Variants in SLC39A14 observed in about 807,000 individuals in gnomAD.
The protein encoded by SLC39A14 is solute carrier family 39 member 14.
SLC39A14 carries 19 observed loss-of-function variants against 45.5 expected under a neutral mutation model. That is an observed-to-expected ratio of 0.42 (90% CI 0.29 to 0.61). SLC39A14 has a LOEUF of 0.61. Among genes scored for constraint, SLC39A14 ranks in the 20% least tolerant of loss-of-function variants. The pLI, the probability that SLC39A14 is intolerant of heterozygous loss-of-function variation, is 0.22. For synonymous variants in SLC39A14, 264 were observed against 251.3 expected (o/e 1.05, Z -0.48); for missense variants, 447 against 616.5 (o/e 0.73, Z 2.91).
intron 8 of SLC39A14, among the ~76,000 whole-genome samples, chr8:22,432,450 C>T (rs191239733): frequency 1.3e-5 from 2 of 151,640 alleles, no homozygotes; most frequent in African/African-American, 4.8e-5. Flanking sequence ...CTTCTCCCTC[C>T]TTCCTTTTTC....
chr8:22,386,359 C>T (rs1016618118), intron 1 of SLC39A14, among the ~76,000 whole-genome samples: 9 of 150,376 alleles, frequency 6.0e-5, no homozygotes, highest in East Asian at 2.0e-4. Context: ...CTCCGCCTCC[C>T]GGGTTCGAGG....
intron 1 of SLC39A14, among the ~76,000 whole-genome samples, chr8:22,394,101 G>T (rs1834236468): frequency 6.6e-6 from 1 of 151,726 alleles, no homozygotes; most frequent in Admixed American, 6.6e-5. Flanking sequence ...CTGCCTCCGG[G>T]GTTCAAGTGA....
At position 22,408,516 on chromosome 8, in the gene SLC39A14, C is replaced by T. The variant is rs1221021418; in HGVS notation, c.457+20C>T. 3.7e-6 allele frequency: 6 copies of T among 1,603,722 alleles called. No homozygotes were observed. The highest frequency in any genetic ancestry group is 4.3e-6 in the Non-Finnish European group (5 of 1,174,162). On this transcript the variant is annotated intron_variant, in intron 3 of 8. Transcript: ENST00000381237. ...TTGAAGGTGAGCCAGGCCAGGAAGG[C>T]AGGAGCCCATCTCCCATCTCGCCCG...
intron 2 of SLC39A14, among the ~76,000 whole-genome samples, chr8:22,408,032 T>C (rs1835330846): frequency 6.6e-6 from 1 of 152,216 alleles, no homozygotes; most frequent in African/African-American, 2.4e-5. Context: ...ATTGGAATCT[T>C]GTCATTCCCA....
chr8:22,378,085 A>G (rs1002954322), intron 1 of SLC39A14, among the ~76,000 whole-genome samples: 1 of 152,158 alleles, frequency 6.6e-6, no homozygotes, highest in African/African-American at 2.4e-5. Flanking sequence ...ACTACCACTC[A>G]TTTCCATACC....
At chr8:22,418,678 C>T (rs1836037713) in intron 8 of SLC39A14, among the ~76,000 whole-genome samples, 1 of 151,938 alleles carries the variant, frequency 6.6e-6, no homozygotes, top group Admixed American at 6.6e-5. Context: ...ACTACAGGCT[C>T]CAGCCACCAT....
Position 22,404,942 on chromosome 8 carries a change from G to A in SLC39A14, c.232G>A (p.Val78Ile), listed in dbSNP as rs746434540. 1.9e-6 allele frequency: 3 copies of A among 1,614,172 alleles called. No homozygotes were observed. Among genetic ancestry groups the A allele is most frequent in the African/African-American group, 2.7e-5 (2 of 75,058 alleles). ...HLDVGVGRGN[V>I]TQHVQGHRNL... ...GGATGTGGGAGTGGGCCGGGGTAAT[G>A]TCACCCAGCACGTGCAAGGACACAG... Residue 78 changes from valine to isoleucine, a missense_variant, in exon 2 of 9, where the codon GTC becomes ATC. Physicochemically the swap from Val to Ile is conservative, Grantham distance 29. Around this residue, in one of 2 missense-constraint regions of SLC39A14, gnomAD observed 342 missense variants for 428.1 expected, o/e 0.80. Coordinates refer to ENST00000381237, the MANE Select transcript of SLC39A14 (RefSeq NM_001128431.4).
intron 1 of SLC39A14, among the ~76,000 whole-genome samples, chr8:22,371,929 G>C (rs533249141): frequency 6.6e-6 from 1 of 151,282 alleles, no homozygotes; most frequent in Non-Finnish European, 1.5e-5. Flanking sequence ...ATTTTTAGTA[G>C]AGACGAGGTT....
At chr8:22,418,044 A>C (rs1205449976) in intron 8 of SLC39A14, among the ~76,000 whole-genome samples, 1 of 152,160 alleles carries the variant, frequency 6.6e-6, no homozygotes, top group Non-Finnish European at 1.5e-5. Flanking sequence ...CTGGGATTAC[A>C]GACGTGTGCC....
At chr8:22,404,582 A>G (rs1835091535) in intron 1 of SLC39A14, 114 bp from the exon 2 acceptor site, 2 of 952,282 alleles carry the variant, frequency 2.1e-6, no homozygotes, top group South Asian at 3.3e-5. Context: ...GAAGGAGCAG[A>G]GAAGCAGAGA....
chr8:22,373,107 C>A (rs867719231), intron 1 of SLC39A14, among the ~76,000 whole-genome samples: 12 of 151,766 alleles, frequency 7.9e-5, no homozygotes, highest in African/African-American at 2.9e-4. Flanking sequence ...ACTAAAAATA[C>A]AAAAAATTAG....
Position 22,421,924 on chromosome 8 carries a change from A to C in SLC39A14, c.*2226A>C. The C allele has an allele frequency of 1.0e-6, 1 of 985,438 alleles. No individual in the cohort carries two copies. The highest frequency in any genetic ancestry group is 1.2e-6 in the Non-Finnish European group (1 of 829,934). The allele number at this position is 985,438 out of a possible 1,614,324, so 61.0% of individuals were successfully genotyped here. Reference sequence around the variant, plus strand: ...ATTTCCTTCCATAGACAGCTGCCTCAAAGGGAAATCCTCTTTAAACCGTAG... The same window carrying C: ...ATTTCCTTCCATAGACAGCTGCCTCCAAGGGAAATCCTCTTTAAACCGTAG... On this transcript the variant is annotated 3_prime_UTR_variant, in exon 9 of 9. Transcript: ENST00000381237.
At chr8:22,377,919 A>G (rs770424298) in intron 1 of SLC39A14, among the ~76,000 whole-genome samples, 5 of 152,176 alleles carry the variant, frequency 3.3e-5, no homozygotes, top group African/African-American at 9.7e-5. Context: ...CCGCTCGGCT[A>G]TGCTCTCCCT....
At position 22,409,931 on chromosome 8, in the gene SLC39A14, C is replaced by T. The variant is rs749458253; in HGVS notation, c.457+1435C>T. 1.2e-5 allele frequency: 19 copies of T among 1,613,596 alleles called. No homozygotes were observed. The South Asian group carries it at 1.9e-4, about 16-fold the overall frequency. On this transcript the variant is annotated intron_variant, in intron 3 of 8. Transcript: ENST00000381237. ...TCAGTAATAGAGGCCCTCGTCTGTT[C>T]TTGTTCCTCCACAGTGTGGGGCTTT...
chr8:22,378,677 G>C (rs571574317), intron 1 of SLC39A14, among the ~76,000 whole-genome samples: 2 of 152,186 alleles, frequency 1.3e-5, no homozygotes, highest in African/African-American at 2.4e-5. Flanking sequence ...CCCACTCAAC[G>C]TAATTTCCCT....
At chr8:22,386,628 A>G (rs987088471) in intron 1 of SLC39A14, among the ~76,000 whole-genome samples, 1 of 152,210 alleles carries the variant, frequency 6.6e-6, no homozygotes, top group Non-Finnish European at 1.5e-5. Flanking sequence ...TGCATATGTT[A>G]AACTTAAAAG....
downstream of SLC39A14, among the ~76,000 whole-genome samples, chr8:22,424,694 C>G (rs1461313020): frequency 1.3e-5 from 2 of 152,092 alleles, no homozygotes; most frequent in Non-Finnish European, 2.9e-5. Context: ...TGGTTTCTTT[C>G]TGTGATGTCA....
chr8:22,416,340 C>T (rs1835880899), intron 7 of SLC39A14, 60 bp downstream of exon 7: 1 of 1,429,436 alleles, frequency 7.0e-7, no homozygotes, highest in African/African-American at 1.4e-5. Context: ...GGCCCCCTTC[C>T]TGTGGCCGGT....
chr8:22,380,543 CAG>C (rs1328732150), intron 1 of SLC39A14, among the ~76,000 whole-genome samples: 2 of 152,152 alleles, frequency 1.3e-5, no homozygotes, highest in African/African-American at 4.8e-5. Flanking sequence ...GACCCACGCA[CAG>C]ATGCAGTCGA....
Sources: allele counts gnomAD v4.1 joint callset (sites outside exome capture counted in the v4.1 genomes callset), GRCh38; gene constraint gnomAD v4.1.1; regional missense constraint gnomAD v4.1.1; transcripts MANE v1.5; gene names NCBI Gene and HGNC (gene_info 2026-07-23, HGNC 2026-07-21).